RSPO2: variants seen among roughly 807,000 people sequenced by gnomAD.
The protein encoded by RSPO2 is R-spondin-2.
A neutral mutation model predicts 30.9 loss-of-function variants in RSPO2; 14 were observed. The observed-to-expected ratio is 0.45, with a 90% CI of 0.30 to 0.71. The LOEUF is 0.71. Ranked by LOEUF, RSPO2 falls within the 30% of genes least tolerant of loss-of-function variation. The pLI is 0.08. For synonymous variants in RSPO2, 107 were observed against 96.4 expected (o/e 1.11, Z -0.64); for missense variants, 264 against 301.9 (o/e 0.87, Z 0.93).
chr8:107,996,062 G>T (rs1331913192), intron 2 of RSPO2, among the ~76,000 whole-genome samples: 1 of 152,008 alleles, frequency 6.6e-6, no homozygotes, highest in East Asian at 1.9e-4. Flanking sequence ...AGTGAGTGAG[G>T]TTCAAAAAAA....
At chr8:107,942,443 A>G (rs1812931445) in intron 5 of RSPO2, among the ~76,000 whole-genome samples, 1 of 152,180 alleles carries the variant, frequency 6.6e-6, no homozygotes, top group African/African-American at 2.4e-5. Flanking sequence ...AGCAAGCTTA[A>G]TTTCTTCTAC....
At chr8:107,930,476 G>C (rs1374647553) in intron 5 of RSPO2, among the ~76,000 whole-genome samples, 7 of 152,276 alleles carry the variant, frequency 4.6e-5, no homozygotes, top group African/African-American at 1.4e-4. Context: ...AAGCTGCAAG[G>C]CTTCCTCAAC....
At chr8:107,974,139 G>A (rs1294379508) in intron 3 of RSPO2, among the ~76,000 whole-genome samples, 1 of 152,058 alleles carries the variant, frequency 6.6e-6, no homozygotes, top group African/African-American at 2.4e-5. Context: ...CTGTTCCAGG[G>A]TGGTCCCAGA....
At chr8:107,986,295 T>C (rs1179821858) in intron 3 of RSPO2, among the ~76,000 whole-genome samples, 1 of 152,238 alleles carries the variant, frequency 6.6e-6, no homozygotes, top group South Asian at 2.1e-4. Context: ...TTTGCTCTAA[T>C]GGGGTCTTGT....
chr8:108,066,466 C>A (rs1404103394), intron 2 of RSPO2, among the ~76,000 whole-genome samples: 1 of 151,560 alleles, frequency 6.6e-6, no homozygotes, highest in African/African-American at 2.4e-5. Context: ...TTTTTAATGT[C>A]ATTTTACTAC....
intron 3 of RSPO2, among the ~76,000 whole-genome samples, chr8:107,984,613 A>C (rs549001314): frequency 3.9e-5 from 6 of 152,352 alleles, no homozygotes; most frequent in African/African-American, 1.4e-4. Flanking sequence ...ATAATTAATC[A>C]GGGTGCGTTT....
chr8:107,909,138 ATGAAGCAAC>A (rs1811742340), intron 5 of RSPO2, among the ~76,000 whole-genome samples: 1 of 152,148 alleles, frequency 6.6e-6, no homozygotes, highest in Non-Finnish European at 1.5e-5. Flanking sequence ...TGGTTTAGAT[ATGAAGCAAC>A]TGAAGCACAG....
At chr8:108,070,278 CTTTTTTT>C (rs1050611219) in intron 2 of RSPO2, among the ~76,000 whole-genome samples, 5 of 81,190 alleles carry the variant, frequency 6.2e-5, no homozygotes, top group Admixed American at 1.6e-4. Flanking sequence ...GACCCCATCT[CTTTTTTT>C]TTTTTTTTTT....
intron 2 of RSPO2, among the ~76,000 whole-genome samples, chr8:108,062,789 A>G (rs1812515901): frequency 6.6e-6 from 1 of 151,876 alleles, no homozygotes. Flanking sequence ...TCAATAAAAT[A>G]CTGGCAAACT....
chr8:107,913,818 C>A (rs1262367361), intron 5 of RSPO2, among the ~76,000 whole-genome samples: 1 of 152,066 alleles, frequency 6.6e-6, no homozygotes, highest in African/African-American at 2.4e-5. Context: ...GACTGTTAAA[C>A]ATACAATATA....
At chr8:107,906,323 T>C (rs982874183) in intron 5 of RSPO2, among the ~76,000 whole-genome samples, 1 of 118,156 alleles carries the variant, frequency 8.5e-6, no homozygotes, top group African/African-American at 2.8e-5. Flanking sequence ...ATAAAGTTTG[T>C]TTTCCCTTTA....
At chr8:107,928,229 G>C (rs900289571) in intron 5 of RSPO2, among the ~76,000 whole-genome samples, 2 of 152,004 alleles carry the variant, frequency 1.3e-5, no homozygotes, top group African/African-American at 4.8e-5. Context: ...ATAGCCACCA[G>C]GTTCCATATA....
At chr8:107,946,052 A>G (rs911410167) in intron 5 of RSPO2, among the ~76,000 whole-genome samples, 1 of 152,222 alleles carries the variant, frequency 6.6e-6, no homozygotes, top group Non-Finnish European at 1.5e-5. Flanking sequence ...AAAGTCTTTG[A>G]GTAGAGACAA....
intron 2 of RSPO2, among the ~76,000 whole-genome samples, chr8:108,049,514 C>T (rs1195310087): frequency 1.3e-5 from 2 of 151,774 alleles, no homozygotes; most frequent in East Asian, 3.9e-4. Context: ...TTTTAAGCCC[C>T]GCAGGCATTA....
At chr8:107,971,238 T>C (rs1053947129) in intron 3 of RSPO2, among the ~76,000 whole-genome samples, 6 of 152,176 alleles carry the variant, frequency 3.9e-5, no homozygotes, top group African/African-American at 1.4e-4. Context: ...AAGAAACAAA[T>C]GTAAGCTTGA....
intron 5 of RSPO2, among the ~76,000 whole-genome samples, chr8:107,943,107 T>C (rs987140175): frequency 2.0e-5 from 3 of 152,226 alleles, no homozygotes; most frequent in Admixed American, 1.3e-4. Flanking sequence ...ATGAAAACAA[T>C]GTGACAACTG....
intron 2 of RSPO2, among the ~76,000 whole-genome samples, chr8:108,050,433 ATAAG>A (rs902221764): frequency 4.6e-5 from 7 of 152,212 alleles, no homozygotes; most frequent in African/African-American, 1.4e-4. Context: ...CCTGTTAAAA[ATAAG>A]TAATAAAGGT....
chr8:108,036,500 C>T (rs1253913092), intron 2 of RSPO2, among the ~76,000 whole-genome samples: 1 of 152,230 alleles, frequency 6.6e-6, no homozygotes, highest in Non-Finnish European at 1.5e-5. Flanking sequence ...TGTGGCACAT[C>T]ATAAAGACCT....
chr8:107,978,689 T>G (rs1409704212), intron 3 of RSPO2, among the ~76,000 whole-genome samples: 2 of 152,084 alleles, frequency 1.3e-5, no homozygotes, highest in Non-Finnish European at 2.9e-5. Flanking sequence ...TGGAATCTAA[T>G]TAAACTAAAG....
Sources: allele counts gnomAD v4.1 joint callset (sites outside exome capture counted in the v4.1 genomes callset), GRCh38; gene constraint gnomAD v4.1.1; transcripts MANE v1.5; gene names NCBI Gene and HGNC (gene_info 2026-07-23, HGNC 2026-07-21).